Variants in AFG1L observed in about 807,000 individuals in gnomAD.
The protein encoded by AFG1L is AFG1 like ATPase.
In AFG1L, 53 loss-of-function variants were observed where a neutral mutation model predicts 62.2. The observed-to-expected ratio is 0.85, with a 90% CI of 0.68 to 1.07. The LOEUF is 1.07. Ranked by LOEUF, AFG1L falls within the 50% of genes least tolerant of loss-of-function variation. The probability of loss-of-function intolerance (pLI) is 0.00; values close to 1 mark genes in which losing one functional copy is unlikely to be tolerated. For synonymous variants in AFG1L, 228 were observed against 210.3 expected, an observed-to-expected ratio of 1.08 and a Z score of -0.73; for missense variants, 555 against 590.5, an observed-to-expected ratio of 0.94 and a Z score of 0.62.
chr6:108,431,981 T>A (rs946994115), intron 7 of AFG1L, among the ~76,000 whole-genome samples: 9 of 150,168 alleles, frequency 6.0e-5, no homozygotes, highest in Admixed American at 4.0e-4. Flanking sequence ...ACCCTACAAC[T>A]CTCTGTGCTG....
At chr6:108,487,130 ATAT>A (rs1773602384) in intron 10 of AFG1L, among the ~76,000 whole-genome samples, 3 of 152,274 alleles carry the variant, frequency 2.0e-5, no homozygotes, top group Non-Finnish European at 4.4e-5. Flanking sequence ...CATAAGCCAA[ATAT>A]TATACAGCGA....
intron 11 of AFG1L, among the ~76,000 whole-genome samples, chr6:108,518,333 A>G (rs917301949): frequency 6.6e-6 from 1 of 152,186 alleles, no homozygotes; most frequent in African/African-American, 2.4e-5. Flanking sequence ...ATAAAAAATG[A>G]GTTCATGTCC....
At chr6:108,460,309 A>G (rs1447082381) in intron 8 of AFG1L, among the ~76,000 whole-genome samples, 1 of 152,190 alleles carries the variant, frequency 6.6e-6, no homozygotes, top group East Asian at 1.9e-4. Context: ...AGACGTAGAT[A>G]ATAAAGATTA....
chr6:108,331,411 A>G (rs913421735), intron 2 of AFG1L, among the ~76,000 whole-genome samples: 86 of 152,242 alleles, frequency 5.6e-4, no homozygotes, highest in African/African-American at 1.6e-3. Flanking sequence ...AAAATAAAGT[A>G]TACCTTCTTC....
At chr6:108,411,720 AACAGAAAGG>A (rs1562143331) in intron 7 of AFG1L, among the ~76,000 whole-genome samples, 1 of 152,236 alleles carries the variant, frequency 6.6e-6, no homozygotes, top group African/African-American at 2.4e-5. Context: ...AAAACTAACA[AACAGAAAGG>A]ACATCCACAC....
At chr6:108,516,453 C>T (rs1181539792) in intron 11 of AFG1L, among the ~76,000 whole-genome samples, 1 of 151,790 alleles carries the variant, frequency 6.6e-6, no homozygotes, top group Non-Finnish European at 1.5e-5. Flanking sequence ...ATTCAACAGC[C>T]CTTCATGCTA....
At chr6:108,457,281 C>T (rs1772287287) in intron 8 of AFG1L, among the ~76,000 whole-genome samples, 1 of 151,918 alleles carries the variant, frequency 6.6e-6, no homozygotes, top group Non-Finnish European at 1.5e-5. Flanking sequence ...TTTCTGACTT[C>T]ATATTAGTTA....
intron 10 of AFG1L, among the ~76,000 whole-genome samples, chr6:108,488,607 C>T (rs906537717): frequency 6.6e-6 from 1 of 151,866 alleles, no homozygotes; most frequent in Non-Finnish European, 1.5e-5. Context: ...AATCCTAGCA[C>T]TTTGGGAGGC....
At chr6:108,477,039 C>A in intron 9 of AFG1L, 104 bp downstream of exon 9, 2 of 1,106,434 alleles carry the variant, frequency 1.8e-6, no homozygotes, top group Non-Finnish European at 2.7e-6. Context: ...GTTGATGCCA[C>A]GCTCAAGTGG....
At chr6:108,410,892 T>C (rs1038068836) in intron 7 of AFG1L, among the ~76,000 whole-genome samples, 1 of 152,146 alleles carries the variant, frequency 6.6e-6, no homozygotes, top group South Asian at 2.1e-4. Flanking sequence ...TTTCTGCCTT[T>C]CCAACTGAGG....
chr6:108,333,647 A>C (rs1778363110), intron 2 of AFG1L, among the ~76,000 whole-genome samples: 1 of 152,182 alleles, frequency 6.6e-6, no homozygotes, highest in African/African-American at 2.4e-5. Context: ...CAGACAACCC[A>C]GTAGAAAAAT....
intron 8 of AFG1L, among the ~76,000 whole-genome samples, chr6:108,451,850 G>A (rs1772069943): frequency 6.6e-6 from 1 of 152,062 alleles, no homozygotes. Flanking sequence ...GAGTAGCTGG[G>A]ATTACAGGCA....
intron 8 of AFG1L, among the ~76,000 whole-genome samples, chr6:108,450,591 C>T (rs949539462): frequency 2.0e-5 from 3 of 152,268 alleles, no homozygotes; most frequent in South Asian, 4.1e-4. Context: ...TGTGCAGAAG[C>T]GCTTTAGTTT....
chr6:108,452,008 G>A (rs1002621763), intron 8 of AFG1L, among the ~76,000 whole-genome samples: 4 of 152,040 alleles, frequency 2.6e-5, no homozygotes, highest in African/African-American at 9.7e-5. Context: ...GAGCCACCAC[G>A]CCCGGCCAGT....
chr6:108,361,216 C>A (rs971601176), intron 5 of AFG1L, among the ~76,000 whole-genome samples: 7 of 152,226 alleles, frequency 4.6e-5, no homozygotes, highest in African/African-American at 1.7e-4. Context: ...CCTGTCTGAC[C>A]ATTGCTCTGG....
rs72477495 is a variant in AFG1L at position 108,397,291 on chromosome 6, C to T, written c.749-4705C>T. On this transcript the variant is annotated intron_variant, in intron 6 of 12. Coordinates refer to ENST00000368977, the MANE Select transcript of AFG1L (RefSeq NM_145315.5). ...AACAGGCGTGTGCCACCACACCTGG[C>T]TGATTTTTGTATTTTTAGTAAAGAC... Among the ~76,000 whole-genome samples, 571 of 152,294 alleles carry T rather than the reference C, an allele frequency of 3.7e-3. 6 individuals carry two copies. The highest frequency in any genetic ancestry group is 0.013 in the African/African-American group (549 of 41,566).
At position 108,324,027 on chromosome 6, in the gene AFG1L, G is replaced by A; in HGVS notation, c.342G>A (p.Glu114=). 6 of 1,610,944 alleles carry A rather than the reference G, an allele frequency of 3.7e-6. No individual in the cohort carries two copies. Among genetic ancestry groups the A allele is most frequent in the Non-Finnish European group, 5.1e-6 (6 of 1,177,612 alleles). The change falls in exon 2 of 13, where the codon GAG becomes GAA. Residue 114 remains glutamate (E), a synonymous_variant. Coordinates refer to ENST00000368977, the MANE Select transcript of AFG1L (RefSeq NM_145315.5). ...AGGACCTTAAAGGATACAATATAGA[G>A]GCAGAAGGCCTTTTTTCAAAGGTGA... ...LHEDLKGYNI[E]AEGLFSKLFS...
intron 1 of AFG1L, among the ~76,000 whole-genome samples, chr6:108,299,723 C>T (rs986537465): frequency 7.2e-5 from 11 of 151,980 alleles, no homozygotes; most frequent in African/African-American, 1.9e-4. Flanking sequence ...GGATTGCTTG[C>T]GGCCAGGAGT....
chr6:108,380,858 A>G (rs1780475486), intron 6 of AFG1L, among the ~76,000 whole-genome samples: 1 of 152,172 alleles, frequency 6.6e-6, no homozygotes, highest in Non-Finnish European at 1.5e-5. Context: ...TGAGTCACAG[A>G]GGAGACTTCT....
Sources: allele counts gnomAD v4.1 joint callset (sites outside exome capture counted in the v4.1 genomes callset), GRCh38; gene constraint gnomAD v4.1.1; transcripts MANE v1.5; gene names NCBI Gene and HGNC (gene_info 2026-07-23, HGNC 2026-07-21).